The following MYO7B variants were observed in gnomAD, a reference collection of about 807,000 sequenced individuals.
MYO7B encodes unconventional myosin-VIIb.
A neutral mutation model predicts 259.7 loss-of-function variants in MYO7B; 212 were observed. The observed-to-expected ratio is 0.82, with a 90% CI of 0.73 to 0.91. The LOEUF is 0.91. Among genes scored for constraint, MYO7B ranks in the 40% least tolerant of loss-of-function variants. The probability of loss-of-function intolerance (pLI) is 0.00; values close to 1 mark genes in which losing one functional copy is unlikely to be tolerated. For missense variants in MYO7B, 2,732 were observed against 2,813.5 expected (o/e 0.97, Z 0.66); for synonymous variants, 1,197 against 1,166.4 (o/e 1.03, Z -0.54).
chr2:127,624,494 C>T lies in MYO7B; in HGVS notation c.4047+174C>T, dbSNP rs533963759. ...CTCTGTTTCCTCCTCCCTTAGGCCACAGGTATGTCCAAGCCTCCGGGGTCC... is the reference window on the plus strand; with the variant it reads ...CTCTGTTTCCTCCTCCCTTAGGCCATAGGTATGTCCAAGCCTCCGGGGTCC... On this transcript the variant is annotated intron_variant, in intron 30 of 47. Transcript: ENST00000409816. 4.1e-4 allele frequency among the ~76,000 whole-genome samples: 63 copies of T among 152,342 alleles called. 1 individual carries two copies. The highest frequency in any genetic ancestry group is 1.4e-3 in the African/African-American group (59 of 41,588).
At position 127,634,276 on chromosome 2, in the gene MYO7B, A is replaced by G. The variant is rs956048198; in HGVS notation, c.5612A>G (p.Lys1871Arg). The G allele has an allele frequency of 1.9e-6, 3 of 1,582,664 alleles. No individual in the cohort carries two copies. Among genetic ancestry groups the G allele is most frequent in the African/African-American group, 1.4e-5 (1 of 73,256 alleles). The change falls in exon 41 of 48, where the codon AAG becomes AGG. Residue 1871 changes from lysine (K) to arginine (R), a missense_variant. By Grantham distance (26) the Lys-to-Arg change is conservative. This residue lies in a region of MYO7B where 821 missense variants were observed against 769.3 expected (regional missense o/e 1.07). Transcript: ENST00000409816. ...TGGGAGGGCTGCAGCCTCTTCATCA[A>G]GATTTCAGACAAGGTGGGCCGGGCT... Reference protein sequence around the residue: ...ASWEGCSLFIKISDKVISQKE... With the variant: ...ASWEGCSLFIRISDKVISQKE...
intron 18 of MYO7B, among the ~76,000 whole-genome samples, chr2:127,595,391 C>A (rs1471751935): frequency 6.6e-6 from 1 of 151,984 alleles, no homozygotes; most frequent in Non-Finnish European, 1.5e-5. Flanking sequence ...AGTGGTCTAT[C>A]TATTTTATTA....
At chr2:127,616,358 T>A (rs1421759724) in intron 26 of MYO7B, among the ~76,000 whole-genome samples, 1 of 152,220 alleles carries the variant, frequency 6.6e-6, no homozygotes, top group African/African-American at 2.4e-5. Context: ...ATCTGTCTCC[T>A]AGTTGTACTT....
At chr2:127,599,343 AT>A (rs1434926671) in intron 19 of MYO7B, among the ~76,000 whole-genome samples, 2 of 152,202 alleles carry the variant, frequency 1.3e-5, no homozygotes, top group African/African-American at 4.8e-5. Flanking sequence ...ACATTGGCAT[AT>A]TCATTGCTAG....
chr2:127,543,822 G>A lies in MYO7B; in HGVS notation c.-24+7991G>A, dbSNP rs546386750. ...TGCAGTGGCGCGATCTTGCCTCACC[G>A]CAAGCTCCCCCTGCCGGGTTCACGC... On this transcript the variant is annotated intron_variant, in intron 1 of 47. Transcript: ENST00000409816. 1.9e-3 allele frequency among the ~76,000 whole-genome samples: 282 copies of A among 150,888 alleles called. 2 individuals carry two copies. Among genetic ancestry groups the A allele is most frequent in the Middle Eastern group, 0.01 (3 of 288 alleles).
chr2:127,555,526 G>A (rs1045073657), intron 1 of MYO7B, among the ~76,000 whole-genome samples: 3 of 152,044 alleles, frequency 2.0e-5, no homozygotes, highest in African/African-American at 7.2e-5. Context: ...TTTGATGTAG[G>A]CATTTAAGGC....
chr2:127,624,197 C>T lies in MYO7B; in HGVS notation c.3924C>T (p.Arg1308=). The T allele has an allele frequency of 6.3e-7, 1 of 1,597,070 alleles. No individual in the cohort carries two copies. The highest frequency in any genetic ancestry group is 1.1e-5 in the South Asian group (1 of 87,782). The change falls in exon 30 of 48, where the codon CGC becomes CGT. Residue 1308 remains arginine (R), a synonymous_variant. Transcript: ENST00000409816. ...AGAGCCAGCGCCAGTCACCCTGGCG[C>T]ATCTACTTCCGGAAGGAATTCTTCA... The part of the protein sequence containing the change: ...RGESQRQSPW[R]IYFRKEFFTP...
intron 28 of MYO7B, 79 bp downstream of exon 28, chr2:127,622,180 G>A (rs1403698990): frequency 4.1e-6 from 6 of 1,467,430 alleles, no homozygotes; most frequent in African/African-American, 2.8e-5. Flanking sequence ...CTCATGGGGT[G>A]CCTTCTCCTA....
At position 127,584,810 on chromosome 2, in the gene MYO7B, C is replaced by T. The variant is rs199694854; in HGVS notation, c.1587C>T (p.Asn529=). Residue 529 remains asparagine, a synonymous_variant, in exon 14 of 48, where the codon AAC becomes AAT. Coordinates refer to ENST00000409816, the MANE Select transcript of MYO7B (RefSeq NM_001393586.1). The surrounding 1 kb of genome is among the most constrained non-coding windows in gnomAD (Gnocchi z 5.8). ...GTDLTMLQKL[N]SVHANNKAFL... is the part of the protein sequence containing the mutation. The stretch of plus-strand genomic sequence containing the variant: ...ATCTCACCATGCTGCAAAAGCTGAA[C>T]AGCGTCCATGCCAACAACAAGGCCT... 14 of 1,613,828 alleles carry T rather than the reference C, an allele frequency of 8.7e-6. No individual in the cohort carries two copies. The highest frequency in any genetic ancestry group is 1.6e-4 in the Middle Eastern group (1 of 6,084).
intron 27 of MYO7B, among the ~76,000 whole-genome samples, chr2:127,621,753 T>C (rs12105828): frequency 1.3e-3 from 202 of 152,360 alleles, no homozygotes; most frequent in African/African-American, 4.6e-3. Context: ...TAGGCCTGCA[T>C]TGTTGTGACA....
intron 26 of MYO7B, among the ~76,000 whole-genome samples, chr2:127,618,342 T>C (rs748657223): frequency 6.6e-6 from 1 of 152,180 alleles, no homozygotes; most frequent in Non-Finnish European, 1.5e-5. Flanking sequence ...TCCCTACTCC[T>C]AGTAAGCAAA....
At chr2:127,635,019 C>G in intron 42 of MYO7B, 101 bp from the exon 43 acceptor site, 1 of 916,790 alleles carries the variant, frequency 1.1e-6, no homozygotes, top group Admixed American at 2.0e-5. Flanking sequence ...TGGGGGCTTT[C>G]GAGGCAGGGA....
chr2:127,630,404 G>A (rs1036974374), intron 35 of MYO7B, among the ~76,000 whole-genome samples: 3 of 152,218 alleles, frequency 2.0e-5, no homozygotes, highest in Non-Finnish European at 4.4e-5. Flanking sequence ...CCGAGGGAGG[G>A]ACATTTGTGC....
Position 127,576,846 on chromosome 2 carries a change from C to T in MYO7B, c.849+138C>T. On this transcript the variant is annotated intron_variant, in intron 8 of 47. Coordinates refer to ENST00000409816, the MANE Select transcript of MYO7B (RefSeq NM_001393586.1). This position sits in a 1 kb window ranked among gnomAD's most constrained non-coding sequence, Gnocchi z 4.9. ...GAGGCGGGGCTGGTTCCCTTTGCCT[C>T]TCCTCGCCAGCCCCTCTCTGCTGGG... 6.8e-6 allele frequency: 4 copies of T among 584,686 alleles called. No individual in the cohort carries two copies. Among genetic ancestry groups the T allele is most frequent in the East Asian group, 6.1e-5 (2 of 32,542 alleles). 36.2% of individuals were successfully genotyped at this position (584,686 alleles called of 1,614,324 possible).
At chr2:127,564,570 G>T (rs1327148725) in intron 3 of MYO7B, among the ~76,000 whole-genome samples, 1 of 152,220 alleles carries the variant, frequency 6.6e-6, no homozygotes, top group Non-Finnish European at 1.5e-5. Context: ...TGTGTGGAGG[G>T]GCAGGACGGG....
chr2:127,570,208 T>C (rs1678537857), intron 6 of MYO7B, among the ~76,000 whole-genome samples: 1 of 152,054 alleles, frequency 6.6e-6, no homozygotes, highest in African/African-American at 2.4e-5. Flanking sequence ...TAGATGCATG[T>C]GTTCAGTTGC....
intron 10 of MYO7B, among the ~76,000 whole-genome samples, chr2:127,581,635 C>G (rs895222192): frequency 6.6e-6 from 1 of 152,162 alleles, no homozygotes; most frequent in African/African-American, 2.4e-5. Flanking sequence ...CCCTCACCCT[C>G]ATTTTCCAAG....
chr2:127,619,006 G>A (rs927566188), intron 26 of MYO7B, among the ~76,000 whole-genome samples: 1 of 151,576 alleles, frequency 6.6e-6, no homozygotes, highest in African/African-American at 2.4e-5. Context: ...TTGGATTGTG[G>A]TGGCTGGTTG....
chr2:127,590,267 G>A lies in MYO7B; in HGVS notation c.1992+38G>A. The A allele has an allele frequency of 6.2e-7, 1 of 1,612,108 alleles. No individual in the cohort carries two copies. The highest frequency in any genetic ancestry group is 8.5e-7 in the Non-Finnish European group (1 of 1,179,576). ...GGCTGGGGCACAGCAAAGGAGGGAG[G>A]AGGAGGAGGCTGATGGCCTCTAGGG... On this transcript the variant is annotated intron_variant, in intron 16 of 47. Transcript: ENST00000409816. This position sits in a 1 kb window ranked among gnomAD's most constrained non-coding sequence, Gnocchi z 4.6.
Sources: gnomAD v4.1 joint callset for allele counts (sites outside exome capture counted in the v4.1 genomes callset) on GRCh38, gnomAD v4.1.1 for gene constraint, gnomAD v4.1.1 regional missense constraint, Gnocchi (gnomAD v3.1) non-coding constraint, MANE v1.5 for transcripts, NCBI Gene and HGNC (gene_info 2026-07-23, HGNC 2026-07-21) for gene names.